The following BTG4 variants were observed in gnomAD, a reference collection of about 807,000 sequenced individuals.
BTG4 encodes the protein BTG anti-proliferation factor 4, also known as protein BTG4.
In BTG4, 10 loss-of-function variants were observed where a neutral mutation model predicts 19.3. The observed-to-expected ratio is 0.52, with a 90% CI of 0.32 to 0.88. The LOEUF (loss-of-function observed/expected upper bound fraction) is 0.88. Among genes scored for constraint, BTG4 ranks in the 40% least tolerant of loss-of-function variants. The pLI, the probability that BTG4 is intolerant of heterozygous loss-of-function variation, is 0.04. For missense variants in BTG4, 238 were observed against 281.9 expected (o/e 0.84, Z 1.11); for synonymous variants, 91 against 95.7 (o/e 0.95, Z 0.29).
chr11:111,397,763 G>A, the BTG4 span: 2 of 152,102 alleles, frequency 1.3e-5, no homozygotes, highest in Non-Finnish European at 2.9e-5. Flanking sequence ...TAAGAATAGT[G>A]CTTATTGACT....
chr11:111,399,476 T>C, the BTG4 span, among the ~76,000 whole-genome samples: 1 of 152,174 alleles, frequency 6.6e-6, no homozygotes, highest in Non-Finnish European at 1.5e-5. Flanking sequence ...ATGACATATC[T>C]CCTGAGCAGA....
chr11:111,447,285 A>C, the BTG4 span, among the ~76,000 whole-genome samples: 33 of 152,374 alleles, frequency 2.2e-4, no homozygotes, highest in African/African-American at 7.7e-4. Context: ...CTTTAAGAGC[A>C]CTTGACTGGT....
chr11:111,406,835 C>T, the BTG4 span, among the ~76,000 whole-genome samples: 6 of 152,210 alleles, frequency 3.9e-5, no homozygotes, highest in Non-Finnish European at 8.8e-5. Flanking sequence ...CAGACCCAGG[C>T]AGTGCACCTC....
Position 111,495,218 on chromosome 11 carries a change from GGTAA to G in BTG4, c.603_606del (p.Tyr202MetfsTer47). ...CACTTAGGATGCTTCTGCGAGCCAT[GGTAA>G]GTGTTTCCCAGGAGGCCAACACGGC... On this transcript the variant is annotated frameshift_variant, in exon 5 of 5. Transcript: ENST00000692032. LOFTEE classifies it low-confidence loss of function (END_TRUNC). The G allele has an allele frequency of 6.2e-7, 1 of 1,612,796 alleles. No individual in the cohort carries two copies. Among genetic ancestry groups the G allele is most frequent in the Non-Finnish European group, 8.5e-7 (1 of 1,179,532 alleles).
downstream of BTG4, among the ~76,000 whole-genome samples, chr11:111,492,011 C>T (rs1335922381): frequency 6.6e-6 from 1 of 152,158 alleles, no homozygotes; most frequent in Non-Finnish European, 1.5e-5. Context: ...ATCATATGCT[C>T]ATGGATGGCT....
the BTG4 span, among the ~76,000 whole-genome samples, chr11:111,401,497 A>G: frequency 6.6e-6 from 1 of 151,944 alleles, no homozygotes. Flanking sequence ...AAAAAAAGAA[A>G]AGAAAAGAAA....
chr11:111,440,914 T>A, the BTG4 span, among the ~76,000 whole-genome samples: 1 of 152,166 alleles, frequency 6.6e-6, no homozygotes, highest in Non-Finnish European at 1.5e-5. Context: ...GATAGGTGAC[T>A]ATCTGCCACA....
At chr11:111,440,429 T>C in the BTG4 span, among the ~76,000 whole-genome samples, 2 of 152,262 alleles carry the variant, frequency 1.3e-5, no homozygotes, top group African/African-American at 4.8e-5. Context: ...CAGAGTTTCC[T>C]GGTCCCAATG....
At chr11:111,402,187 C>G in the BTG4 span, among the ~76,000 whole-genome samples, 5 of 132,062 alleles carry the variant, frequency 3.8e-5, no homozygotes, top group Non-Finnish European at 7.9e-5. Flanking sequence ...CTGCACGTGC[C>G]CTCTTGCCTG....
At chr11:111,498,528 A>G in intron 2 of BTG4, 76 bp downstream of exon 2, 1 of 1,311,314 alleles carries the variant, frequency 7.6e-7, no homozygotes, top group Non-Finnish European at 1.1e-6. Flanking sequence ...AGAAAACAAG[A>G]TCACTCCATT....
chr11:111,422,217 C>T, the BTG4 span, among the ~76,000 whole-genome samples: 3 of 152,180 alleles, frequency 2.0e-5, no homozygotes, highest in Non-Finnish European at 4.4e-5. Flanking sequence ...CAAATCGTTC[C>T]TCCAGCTCTG....
chr11:111,502,283 A>T (rs1866137701), intron 1 of BTG4, among the ~76,000 whole-genome samples: 1 of 152,088 alleles, frequency 6.6e-6, no homozygotes, highest in South Asian at 2.1e-4. Flanking sequence ...AGACATTCTG[A>T]CTTAATTGGT....
At chr11:111,440,433 C>T in the BTG4 span, among the ~76,000 whole-genome samples, 3 of 152,218 alleles carry the variant, frequency 2.0e-5, no homozygotes, top group African/African-American at 7.2e-5. Flanking sequence ...GTTTCCTGGT[C>T]CCAATGTCTA....
the BTG4 span, among the ~76,000 whole-genome samples, chr11:111,447,243 T>C: frequency 1.3e-5 from 2 of 152,270 alleles, no homozygotes; most frequent in African/African-American, 2.4e-5. Flanking sequence ...CTGGCAGTTT[T>C]ACAGTTTCCA....
rs1866577518 is a variant in BTG4, at chr11:111,507,974, G to A, written c.-27+4207C>T. ...TTTTCAGTTCTGGCCTCCTACCAGA[G>A]TTCTAACTCCACATATCTAACTCCA... On this transcript the variant is annotated intron_variant, in intron 1 of 4. Coordinates refer to ENST00000692032, the MANE Select transcript of BTG4 (RefSeq NM_001367975.1). The A allele has an allele frequency of 3.3e-5, 5 of 152,310 alleles. No individual in the cohort carries two copies. In the South Asian group the frequency reaches 1.0e-3, roughly 32 times the overall value. The allele number at this position is 152,310 out of a possible 1,614,324, so 9.4% of individuals were successfully genotyped here. A position where few individuals can be genotyped will look rare whatever the true frequency, so the allele number is the denominator to read the frequency against.
chr11:111,444,860 G>C, the BTG4 span, among the ~76,000 whole-genome samples: 3 of 152,144 alleles, frequency 2.0e-5, no homozygotes, highest in Non-Finnish European at 4.4e-5. Flanking sequence ...AGCAGTAAAA[G>C]CTGGCGTGGG....
downstream of BTG4, among the ~76,000 whole-genome samples, chr11:111,493,514 C>G (rs1435639158): frequency 6.6e-6 from 1 of 152,312 alleles, no homozygotes; most frequent in East Asian, 1.9e-4. Context: ...ACACCCATTG[C>G]TGGTAGTCTT....
the BTG4 span, chr11:111,397,103 C>T: frequency 6.6e-6 from 1 of 152,214 alleles, no homozygotes; most frequent in African/African-American, 2.4e-5. Context: ...AGTTCGTTTC[C>T]TATTTTCCCT....
At chr11:111,472,340 C>A (rs1864119087) in intron 5 of BTG4, among the ~76,000 whole-genome samples, 1 of 152,256 alleles carries the variant, frequency 6.6e-6, no homozygotes, top group Admixed American at 6.5e-5. Flanking sequence ...CTGGAATACT[C>A]TTTCCCCTAG....
Sources: gnomAD v4.1 joint callset for allele counts (sites outside exome capture counted in the v4.1 genomes callset) on GRCh38, gnomAD v4.1.1 for gene constraint, MANE v1.5 for transcripts, NCBI Gene and HGNC (gene_info 2026-07-23, HGNC 2026-07-21) for gene names.